The following SCG3 variants were observed in gnomAD, a reference collection of about 807,000 sequenced individuals.
SCG3 encodes the protein secretogranin-3.
A neutral mutation model predicts 56.2 loss-of-function variants in SCG3; 38 were observed. That is an observed-to-expected ratio of 0.68 (90% CI 0.52 to 0.89). The LOEUF is 0.89. Ranked by LOEUF, SCG3 falls within the 40% of genes least tolerant of loss-of-function variation. SCG3 has a pLI of 0.00. For synonymous variants in SCG3, 176 were observed against 184.2 expected (o/e 0.96, Z 0.36); for missense variants, 524 against 540.7 (o/e 0.97, Z 0.31).
At chr15:51,701,832 G>T (rs1438132475) in intron 10 of SCG3, among the ~76,000 whole-genome samples, 1 of 152,118 alleles carries the variant, frequency 6.6e-6, no homozygotes, top group Non-Finnish European at 1.5e-5. Context: ...CTTGAGTTCA[G>T]GACGTGGAGG....
intron 10 of SCG3, among the ~76,000 whole-genome samples, chr15:51,709,702 T>TA (rs1315000910): frequency 5.3e-4 from 5 of 9,448 alleles, no homozygotes; most frequent in African/African-American, 8.7e-4. Context: ...TATATATATA[T>TA]TTTTTTTTTT....
rs1323527742 is a variant in SCG3 at position 51,720,208 on chromosome 15, GA to G, written c.*684del. On this transcript the variant is annotated 3_prime_UTR_variant, in exon 12 of 12. Coordinates refer to ENST00000220478, the MANE Select transcript of SCG3 (RefSeq NM_013243.4). ...AGAGAGATATTTATGTACTCTCTAA[GA>G]AGACAAATGAGGTCATAAACACTGC... The G allele has an allele frequency of 6.6e-6, 1 of 152,312 alleles. No individual in the cohort carries two copies. Among genetic ancestry groups the G allele is most frequent in the Non-Finnish European group, 1.5e-5 (1 of 68,040 alleles). The allele number at this position is 152,312 out of a possible 1,614,324, so 9.4% of individuals were successfully genotyped here. A position where few individuals can be genotyped will look rare whatever the true frequency, so the allele number is the denominator to read the frequency against.
intron 8 of SCG3, among the ~76,000 whole-genome samples, chr15:51,696,311 A>C (rs1567218990): frequency 6.6e-6 from 1 of 152,190 alleles, no homozygotes; most frequent in Non-Finnish European, 1.5e-5. Context: ...GCACTTTGGG[A>C]AGCTGAGGCA....
chr15:51,717,332 C>T (rs1458022890), intron 11 of SCG3, among the ~76,000 whole-genome samples: 5 of 150,474 alleles, frequency 3.3e-5, no homozygotes, highest in Non-Finnish European at 5.9e-5. Context: ...CACGCCACTG[C>T]ACTCCAGCCT....
intron 9 of SCG3, among the ~76,000 whole-genome samples, chr15:51,700,824 C>G (rs1474190362): frequency 2.2e-5 from 2 of 91,064 alleles, no homozygotes; most frequent in Non-Finnish European, 4.0e-5. Flanking sequence ...GAAAAAATAC[C>G]AAATCAGAAT....
At chr15:51,690,138 C>T (rs183475106) in intron 6 of SCG3, among the ~76,000 whole-genome samples, 13 of 152,260 alleles carry the variant, frequency 8.5e-5, no homozygotes, top group Admixed American at 4.6e-4. Context: ...TTGTGTTCCC[C>T]AGAGCTAGCT....
At chr15:51,702,775 T>C (rs977267769) in intron 10 of SCG3, among the ~76,000 whole-genome samples, 14 of 152,226 alleles carry the variant, frequency 9.2e-5, no homozygotes, top group Non-Finnish European at 1.6e-4. Flanking sequence ...TGAAACTCAA[T>C]GTCTTTACCA....
chr15:51,709,689 ATATATATATATAT>A (rs1567222282), intron 10 of SCG3, among the ~76,000 whole-genome samples: 2 of 14,480 alleles, frequency 1.4e-4, no homozygotes, highest in Non-Finnish European at 2.9e-4. Flanking sequence ...ATATATATAT[ATATATATATATAT>A]TTTTTTTTTT....
intron 10 of SCG3, among the ~76,000 whole-genome samples, chr15:51,706,509 G>T (rs1211844208): frequency 6.6e-6 from 1 of 152,128 alleles, no homozygotes; most frequent in East Asian, 1.9e-4. Flanking sequence ...ATGAGGTAAT[G>T]GTCCAGCTAA....
chr15:51,692,125 A>C, intron 6 of SCG3, 34 bp from the exon 7 acceptor site: 1 of 1,565,160 alleles, frequency 6.4e-7, no homozygotes, highest in Non-Finnish European at 8.7e-7. Flanking sequence ...TTCTAACAAA[A>C]TGTTCATTTT....
At chr15:51,687,196 C>T (rs1443347066) in intron 4 of SCG3, among the ~76,000 whole-genome samples, 12 of 152,108 alleles carry the variant, frequency 7.9e-5, no homozygotes, top group Non-Finnish European at 1.5e-4. Flanking sequence ...CAAAAGTAAT[C>T]GCGGTTTTTG....
intron 6 of SCG3, among the ~76,000 whole-genome samples, chr15:51,691,159 A>T (rs1567217468): frequency 1.3e-5 from 2 of 152,162 alleles, no homozygotes; most frequent in South Asian, 4.1e-4. Flanking sequence ...ATAGAGAAGG[A>T]TGTGTGGAGT....
chr15:51,698,258 A>C (rs1206028598), intron 8 of SCG3, among the ~76,000 whole-genome samples: 3 of 152,216 alleles, frequency 2.0e-5, no homozygotes, highest in Non-Finnish European at 2.9e-5. Flanking sequence ...GCTCGTCCTA[A>C]AATAGTGTAG....
chr15:51,718,223 CAG>C (rs2055471909), intron 11 of SCG3, among the ~76,000 whole-genome samples: 1 of 151,328 alleles, frequency 6.6e-6, no homozygotes, highest in African/African-American at 2.4e-5. Context: ...GACAGACAGA[CAG>C]ACAGACAGAC....
chr15:51,712,420 C>A (rs114378818), intron 10 of SCG3, among the ~76,000 whole-genome samples: 6 of 152,160 alleles, frequency 3.9e-5, no homozygotes, highest in African/African-American at 1.4e-4. Context: ...TAGGGCCTCA[C>A]CTGGTTAAGA....
intron 10 of SCG3, among the ~76,000 whole-genome samples, chr15:51,709,887 A>ATTTTTTTT (rs67775073): frequency 1.5e-3 from 128 of 84,760 alleles, no homozygotes; most frequent in East Asian, 2.4e-3. Context: ...CGCCCGGCTA[A>ATTTTTTTT]TTTTTTTTTT....
chr15:51,714,164 A>T (rs1339464978), intron 11 of SCG3, among the ~76,000 whole-genome samples: 1 of 152,154 alleles, frequency 6.6e-6, no homozygotes, highest in Admixed American at 6.5e-5. Context: ...GGAACAGTGG[A>T]TGTTTGTGGA....
intron 10 of SCG3, among the ~76,000 whole-genome samples, chr15:51,709,441 C>T (rs1350414865): frequency 6.6e-6 from 1 of 151,716 alleles, no homozygotes. Context: ...GCCTTAGTTT[C>T]TTCATGAATA....
rs562164320 is a variant in SCG3, at chr15:51,688,544, A to G, written c.540+142A>G. 67 of 674,556 alleles carry G rather than the reference A, an allele frequency of 9.9e-5. 2 individuals carry two copies. The highest frequency in any genetic ancestry group is 5.2e-4 in the Admixed American group (17 of 32,772). 41.8% of individuals were successfully genotyped at this position (674,556 alleles called of 1,614,324 possible). A position where few individuals can be genotyped will look rare whatever the true frequency, so the allele number is the denominator to read the frequency against. ...ACCCGTAGGTTTTAAGGACAAGCAA[A>G]GCACCATTCTTTTTTTTCTAGGAGT... On this transcript the variant is annotated intron_variant, in intron 5 of 11. Coordinates refer to ENST00000220478, the MANE Select transcript of SCG3 (RefSeq NM_013243.4).
Sources: allele counts gnomAD v4.1 joint callset (sites outside exome capture counted in the v4.1 genomes callset), GRCh38; gene constraint gnomAD v4.1.1; transcripts MANE v1.5; gene names NCBI Gene and HGNC (gene_info 2026-07-23, HGNC 2026-07-21).